Variants in MYLK observed in about 807,000 individuals in gnomAD.
MYLK encodes the protein myosin light chain kinase, smooth muscle.
In MYLK, 106 loss-of-function variants were observed where a neutral mutation model predicts 203.4. That is an observed-to-expected ratio of 0.52 (90% CI 0.45 to 0.61). The LOEUF (loss-of-function observed/expected upper bound fraction) is 0.61. Among genes scored for constraint, MYLK ranks in the 20% least tolerant of loss-of-function variants. The pLI is 0.00. For synonymous variants in MYLK, 867 were observed against 959.5 expected, an observed-to-expected ratio of 0.90 and a Z score of 1.78; for missense variants, 2,072 against 2,442.3, an observed-to-expected ratio of 0.85 and a Z score of 3.20.
intron 29 of MYLK, among the ~76,000 whole-genome samples, chr3:123,636,560 G>C (rs2058651522): frequency 6.6e-6 from 1 of 152,260 alleles, no homozygotes. Flanking sequence ...CTTCTCAAGG[G>C]TCTGGTGTTT....
chr3:123,677,859 C>G (rs1369747004), intron 20 of MYLK, among the ~76,000 whole-genome samples: 5 of 122,992 alleles, frequency 4.1e-5, no homozygotes, highest in Non-Finnish European at 8.4e-5. Context: ...AGGTACCTAT[C>G]TCTATCTAAA....
intron 20 of MYLK, among the ~76,000 whole-genome samples, chr3:123,673,512 C>G (rs1169646865): frequency 1.3e-5 from 2 of 151,964 alleles, no homozygotes; most frequent in Non-Finnish European, 2.9e-5. Flanking sequence ...CAAGTTTGGC[C>G]CTTTCATCTA....
intron 12 of MYLK, among the ~76,000 whole-genome samples, chr3:123,725,618 C>A (rs1053788676): frequency 5.3e-5 from 8 of 152,156 alleles, no homozygotes; most frequent in Non-Finnish European, 1.0e-4. Flanking sequence ...GAAAAGAAAT[C>A]CAACTGCTCA....
intron 2 of MYLK, among the ~76,000 whole-genome samples, chr3:123,852,677 C>G (rs1014753806): frequency 7.2e-5 from 11 of 152,022 alleles, no homozygotes; most frequent in Non-Finnish European, 1.3e-4. Context: ...TTTCAAAAAA[C>G]CAGCTCCTGA....
chr3:123,689,089 C>A, intron 19 of MYLK, among the ~76,000 whole-genome samples: 1 of 152,158 alleles, frequency 6.6e-6, no homozygotes, highest in East Asian at 1.9e-4. Context: ...GCATGAGTAC[C>A]CACTGGAGTG....
In MYLK at chr3:123,756,079, G is replaced by A. The variant is rs562334753; in HGVS notation, c.166-3541C>T. On this transcript the variant is annotated intron_variant, in intron 4 of 33. Coordinates refer to ENST00000360304, the MANE Select transcript of MYLK (RefSeq NM_053025.4). ...GAAAAGAGGCCTGGAGAAGTAGATG[G>A]TTTGCCATGATCTCACATGGCAGCT... Among the ~76,000 whole-genome samples, 139 of 152,302 alleles carry A rather than the reference G, an allele frequency of 9.1e-4. 3 individuals carry two copies. In the South Asian group the frequency reaches 0.017, roughly 18 times the overall value.
chr3:123,855,205 C>G (rs1185681061), intron 2 of MYLK, among the ~76,000 whole-genome samples: 1 of 152,054 alleles, frequency 6.6e-6, no homozygotes, highest in East Asian at 1.9e-4. Context: ...TTTTAAATCT[C>G]TTTCTGTAGC....
intron 3 of MYLK, among the ~76,000 whole-genome samples, chr3:123,821,144 T>A (rs1393298281): frequency 6.6e-6 from 1 of 152,246 alleles, no homozygotes; most frequent in African/African-American, 2.4e-5. Context: ...TAACTAATGA[T>A]TCTTTTAAAA....
intron 2 of MYLK, among the ~76,000 whole-genome samples, chr3:123,859,102 G>A (rs944188020): frequency 1.3e-5 from 2 of 152,180 alleles, no homozygotes; most frequent in African/African-American, 4.8e-5. Context: ...TATTGAATTA[G>A]GTTTGGATGG....
At chr3:123,764,026 A>C (rs1321994199) in intron 4 of MYLK, among the ~76,000 whole-genome samples, 1 of 151,960 alleles carries the variant, frequency 6.6e-6, no homozygotes, top group Non-Finnish European at 1.5e-5. Flanking sequence ...CTTTGACTTT[A>C]TTTTCCAACT....
intron 27 of MYLK, among the ~76,000 whole-genome samples, chr3:123,641,681 C>T (rs2058836362): frequency 1.3e-5 from 2 of 151,234 alleles, no homozygotes; most frequent in South Asian, 4.2e-4. Context: ...CTATAACCAA[C>T]CAACCTACCT....
chr3:123,817,518 G>A (rs1240749094), intron 3 of MYLK, among the ~76,000 whole-genome samples: 1 of 152,216 alleles, frequency 6.6e-6, no homozygotes, highest in Non-Finnish European at 1.5e-5. Flanking sequence ...TCAGGGGGCC[G>A]TAGCAAGGTC....
chr3:123,634,907 C>T (rs1049665295), intron 29 of MYLK, among the ~76,000 whole-genome samples: 4 of 152,240 alleles, frequency 2.6e-5, no homozygotes, highest in African/African-American at 7.2e-5. Flanking sequence ...TTGCTAACTT[C>T]AGAAGGTCTC....
In MYLK at chr3:123,700,166, T is replaced by C. The variant is rs758217067; in HGVS notation, c.3302A>G (p.Lys1101Arg). The change falls in exon 18 of 34, where the codon AAG becomes AGG. Residue 1101 changes from lysine (K) to arginine (R), a missense_variant. Physicochemically the swap from Lys to Arg is conservative, Grantham distance 26. Transcript: ENST00000360304. ...SESQGTAPAFKQKLQDVHVAE... is the reference protein window; with the variant it reads ...SESQGTAPAFRQKLQDVHVAE... ...CACATGAACATCTTGCAGCTTCTGC[T>C]TGAAGGCTGGGGCTGTCCCCTGGCT... 44 of 1,613,832 alleles carry C rather than the reference T, an allele frequency of 2.7e-5. No individual in the cohort carries two copies. Among genetic ancestry groups the C allele is most frequent in the Non-Finnish European group, 3.6e-5 (42 of 1,179,984 alleles).
chr3:123,694,197 C>T lies in MYLK; in HGVS notation c.3449-1346G>A, dbSNP rs183879031. On this transcript the variant is annotated intron_variant, in intron 18 of 33. Coordinates refer to ENST00000360304, the MANE Select transcript of MYLK (RefSeq NM_053025.4). ...TGTTTTAAACAGAGAAACCTTCATC[C>T]TATAAACCACCTGGGGCAAGAGGGC... Among the ~76,000 whole-genome samples the T allele has an allele frequency of 1.2e-4, 19 of 152,270 alleles. No individual in the cohort carries two copies. The East Asian group carries it at 1.5e-3, about 12-fold the overall frequency.
chr3:123,817,324 T>C (rs576785062), intron 3 of MYLK, among the ~76,000 whole-genome samples: 99 of 152,074 alleles, frequency 6.5e-4, no homozygotes, highest in African/African-American at 2.3e-3. Flanking sequence ...TTCTGGGGAG[T>C]CTTTAGCCCC....
chr3:123,789,201 G>A (rs1386898280), intron 4 of MYLK, among the ~76,000 whole-genome samples: 4 of 151,832 alleles, frequency 2.6e-5, no homozygotes, highest in Non-Finnish European at 4.4e-5. Context: ...AGACAGTGGC[G>A]CAGTCCTGTG....
intron 24 of MYLK, 115 bp from the exon 25 acceptor site, chr3:123,649,309 T>G: frequency 7.3e-7 from 1 of 1,361,638 alleles, no homozygotes; most frequent in Non-Finnish European, 1.0e-6. Context: ...GGCAGACGAC[T>G]ACCAGGTCCA....
intron 4 of MYLK, among the ~76,000 whole-genome samples, chr3:123,762,876 A>G (rs964801521): frequency 6.6e-6 from 1 of 152,242 alleles, no homozygotes; most frequent in African/African-American, 2.4e-5. Context: ...TAGGGCTGTA[A>G]GAAATGAATT....
Sources: gnomAD v4.1 joint callset for allele counts (sites outside exome capture counted in the v4.1 genomes callset) on GRCh38, gnomAD v4.1.1 for gene constraint, MANE v1.5 for transcripts, NCBI Gene and HGNC (gene_info 2026-07-23, HGNC 2026-07-21) for gene names.